The following PIK3CB variants were observed in gnomAD, a reference collection of about 807,000 sequenced individuals.
The protein encoded by PIK3CB is phosphatidylinositol 4,5-bisphosphate 3-kinase catalytic subunit beta isoform.
Under a neutral mutation model 136.8 loss-of-function variants are expected in PIK3CB, and 39 were observed. The ratio of observed to expected loss-of-function variants is 0.29; its 90% CI spans 0.22 to 0.37. The LOEUF is 0.37. PIK3CB is among the 10% of genes least tolerant of loss of function. The pLI is 1.00. For missense variants in PIK3CB, 868 were observed against 1,275.4 expected (o/e 0.68, Z 4.87); for synonymous variants, 428 against 436.6 (o/e 0.98, Z 0.25).
Position 138,758,831 on chromosome 3 carries a change from G to C in PIK3CB, c.171+342C>G, listed in dbSNP as rs1237672598. Among the ~76,000 whole-genome samples the C allele has an allele frequency of 2.6e-5, 4 of 152,134 alleles. No individual in the cohort carries two copies. In the East Asian group the frequency reaches 7.7e-4, roughly 29 times the overall value. On this transcript the variant is annotated intron_variant, in intron 3 of 23. Transcript: ENST00000674063. ...AAGCCTGCTGAGGGAAAAATATCTGGTGAACAGCAGAAAAGTCTTTCTTCC... is the reference window on the plus strand; with the variant it reads ...AAGCCTGCTGAGGGAAAAATATCTGCTGAACAGCAGAAAAGTCTTTCTTCC...
intron 2 of PIK3CB, among the ~76,000 whole-genome samples, chr3:138,786,573 T>TCA (rs2045983743): frequency 6.6e-6 from 1 of 152,120 alleles, no homozygotes. Context: ...CTCGAACTCC[T>TCA]CACCTCAGGT....
rs2108583600 is a variant in PIK3CB, at chr3:138,714,476, C to T, written c.1294G>A (p.Gly432Arg). 6.2e-7 allele frequency: 1 copy of T among 1,603,818 alleles called. No individual in the cohort carries two copies. Among genetic ancestry groups the T allele is most frequent in the African/African-American group, 1.3e-5 (1 of 74,614 alleles). The change falls in exon 9 of 24, where the codon GGA (glycine) becomes AGA (arginine). Residue 432 changes from glycine (G) to arginine (R), a missense_variant. Gly to Arg is a moderately radical substitution (Grantham distance 125, BLOSUM62 -2). This residue lies in a region of PIK3CB where 612 missense variants were observed against 801.1 expected (regional missense o/e 0.76). Coordinates refer to ENST00000674063, the MANE Select transcript of PIK3CB (RefSeq NM_006219.3). ...AGTTGGTATATCATTACCACTTTTC[C>T]AGCTTTCCTGATGGTCTGATATTTA... ...PSKYQTIRKA[G>R]KVHYPVAWVN...
At chr3:138,823,565 T>C (rs1933654403) in intron 1 of PIK3CB, among the ~76,000 whole-genome samples, 2 of 151,928 alleles carry the variant, frequency 1.3e-5, no homozygotes, top group Admixed American at 6.6e-5. Flanking sequence ...TAGCTGGGCG[T>C]GGTGGCGCAT....
chr3:138,705,018 C>A (rs2044334058), intron 11 of PIK3CB, among the ~76,000 whole-genome samples: 2 of 151,274 alleles, frequency 1.3e-5, no homozygotes, highest in African/African-American at 4.9e-5. Flanking sequence ...AACTCCTGGG[C>A]TCAGGCAATT....
chr3:138,678,943 G>A (rs946541770), intron 19 of PIK3CB, among the ~76,000 whole-genome samples: 4 of 152,090 alleles, frequency 2.6e-5, no homozygotes, highest in African/African-American at 9.7e-5. Flanking sequence ...ACCCGTGCCT[G>A]TAATCCCAGC....
chr3:138,693,950 TATATATATATATATATTA>T (rs1364785242), intron 14 of PIK3CB, among the ~76,000 whole-genome samples: 6 of 35,512 alleles, frequency 1.7e-4, no homozygotes, highest in African/African-American at 2.2e-4. Flanking sequence ...TATATATATA[TATATATATATATATATTA>T]TATATATATA....
chr3:138,714,318 A>G, intron 9 of PIK3CB, 150 bp downstream of exon 9: 1 of 553,196 alleles, frequency 1.8e-6, no homozygotes, highest in Non-Finnish European at 3.1e-6. Context: ...ATCTAAAGAT[A>G]TAAACATGGA....
chr3:138,788,997 A>AAAAAAAAC (rs1559879235), intron 2 of PIK3CB, among the ~76,000 whole-genome samples: 12 of 150,088 alleles, frequency 8.0e-5, no homozygotes, highest in African/African-American at 2.7e-4. Context: ...AAAAAACAAA[A>AAAAAAAAC]AACAACACCA....
chr3:138,684,758 G>T lies in PIK3CB; in HGVS notation c.2182C>A (p.Leu728Met), dbSNP rs1194143200. Residue 728 changes from leucine (L) to methionine (M), a missense_variant, in exon 17 of 24, where the codon CTG becomes ATG. Transcript: ENST00000674063. ...KLKTLNSLIK[L>M]NAVKLNRAKG... Reference sequence around the variant, plus strand: ...GCTCTGTTTAACTTCACGGCATTCAGTTTGATTAAACTATTTAAAGTTTTT... The same window carrying T: ...GCTCTGTTTAACTTCACGGCATTCATTTTGATTAAACTATTTAAAGTTTTT... 1.2e-6 allele frequency: 2 copies of T among 1,613,766 alleles called. No homozygotes were observed. The highest frequency in any genetic ancestry group is 1.7e-6 in the Non-Finnish European group (2 of 1,179,868).
intron 14 of PIK3CB, among the ~76,000 whole-genome samples, chr3:138,693,964 TATTATATATATATATA>T (rs2044073976): frequency 2.7e-5 from 1 of 36,646 alleles, no homozygotes; most frequent in African/African-American, 1.2e-4. Context: ...TATATATATA[TATTATATATATATATA>T]TATATATATA....
intron 8 of PIK3CB, among the ~76,000 whole-genome samples, chr3:138,726,416 C>T (rs1388735716): frequency 6.6e-6 from 1 of 152,160 alleles, no homozygotes; most frequent in East Asian, 1.9e-4. Context: ...AGACTTACTC[C>T]ATTCTCTTGT....
chr3:138,755,809 T>C lies in PIK3CB; in HGVS notation c.342A>G (p.Arg114=). 2 of 1,613,258 alleles carry C rather than the reference T, an allele frequency of 1.2e-6. No individual in the cohort carries two copies. Among genetic ancestry groups the C allele is most frequent in the South Asian group, 2.2e-5 (2 of 91,020 alleles). The stretch of plus-strand genomic sequence containing the variant: ...CTAATTTTTCCCCTGGGTCACAACT[T>C]CTTGTCACTAATTTGAGAACTGGAA... The part of the protein sequence containing the change: ...PFLPVLKLVT[R]SCDPGEKLDS... The change falls in exon 4 of 24, where the codon AGA becomes AGG. Residue 114 remains arginine (R), a synonymous_variant. Transcript: ENST00000674063.
At chr3:138,748,058 G>A (rs991364279) in intron 4 of PIK3CB, among the ~76,000 whole-genome samples, 9 of 151,948 alleles carry the variant, frequency 5.9e-5, no homozygotes, top group African/African-American at 1.9e-4. Context: ...TGTGCTGGAA[G>A]GGGCAGAGAG....
At chr3:138,679,129 A>G (rs747404371) in intron 19 of PIK3CB, among the ~76,000 whole-genome samples, 9 of 152,130 alleles carry the variant, frequency 5.9e-5, no homozygotes, top group East Asian at 1.9e-4. Flanking sequence ...ACAAAAACTG[A>G]TAAGATTTCA....
chr3:138,770,818 T>C (rs1381871765), intron 2 of PIK3CB, among the ~76,000 whole-genome samples: 1 of 151,812 alleles, frequency 6.6e-6, no homozygotes, highest in Non-Finnish European at 1.5e-5. Flanking sequence ...TTCAAGCAGT[T>C]CTCCTGCCTC....
intron 1 of PIK3CB, among the ~76,000 whole-genome samples, chr3:138,832,684 C>T (rs1934086001): frequency 6.6e-6 from 1 of 152,016 alleles, no homozygotes; most frequent in African/African-American, 2.4e-5. Flanking sequence ...ACAAAATTAG[C>T]CGCGTGTGGT....
At position 138,712,296 on chromosome 3, in the gene PIK3CB, A is replaced by G. The variant is rs549341351; in HGVS notation, c.1311T>C (p.Pro437=). Residue 437 remains proline, a synonymous_variant, in exon 10 of 24, where the codon CCT becomes CCC. Coordinates refer to ENST00000674063, the MANE Select transcript of PIK3CB (RefSeq NM_006219.3). ...AAACCATCGTATTTACCCACGCTAC[A>G]GGATAATGCTGTTGAAAAAGATACC... ...TIRKAGKVHY[P]VAWVNTMVFD... 1.2e-5 allele frequency: 19 copies of G among 1,521,666 alleles called. No homozygotes were observed. In the East Asian group the frequency reaches 3.9e-4, roughly 31 times the overall value. The allele number at this position is 1,521,666 out of a possible 1,614,324, so 94.3% of individuals were successfully genotyped here.
chr3:138,736,972 T>C lies in PIK3CB; in HGVS notation c.801+735A>G, dbSNP rs183765319. ...GATGACCATTTAATCGATTTTTAAA[T>C]ACTTTACCTCCCCCAGAATATTTCA... On this transcript the variant is annotated intron_variant, in intron 6 of 23. Coordinates refer to ENST00000674063, the MANE Select transcript of PIK3CB (RefSeq NM_006219.3). 3.9e-5 allele frequency among the ~76,000 whole-genome samples: 6 copies of C among 152,320 alleles called. No individual in the cohort carries two copies. The East Asian group carries it at 1.2e-3, about 29-fold the overall frequency.
At position 138,779,388 on chromosome 3, in the gene PIK3CB, C is replaced by CTTT. The variant is rs753018315; in HGVS notation, c.-17+17072_-17+17074dup. 7.0e-3 allele frequency among the ~76,000 whole-genome samples: 785 copies of CTTT among 111,984 alleles called. 19 individuals are homozygous for CTTT. Among genetic ancestry groups the CTTT allele is most frequent in the South Asian group, 0.021 (69 of 3,250 alleles). The allele number at this position is 111,984 out of a possible 152,430, so 73.5% of individuals were successfully genotyped here. A position where few individuals can be genotyped will look rare whatever the true frequency, so the allele number is the denominator to read the frequency against. ...GGCGTGAGCCACCACGCCCGGCCTTCTTTTTTTTTTTTTTTTTTTTGAGAC... is the reference window on the plus strand; with the variant it reads ...GGCGTGAGCCACCACGCCCGGCCTTCTTTTTTTTTTTTTTTTTTTTTTTGAGAC... On this transcript the variant is annotated intron_variant, in intron 2 of 23. Transcript: ENST00000674063.
Sources: gnomAD v4.1 joint callset for allele counts (sites outside exome capture counted in the v4.1 genomes callset) on GRCh38, gnomAD v4.1.1 for gene constraint, gnomAD v4.1.1 regional missense constraint, MANE v1.5 for transcripts, NCBI Gene and HGNC (gene_info 2026-07-23, HGNC 2026-07-21) for gene names.